Variants in MID1 observed in about 807,000 individuals in gnomAD.
MID1 encodes E3 ubiquitin-protein ligase Midline-1.
MID1 carries 7 observed loss-of-function variants against 40.4 expected under a neutral mutation model. The ratio of observed to expected loss-of-function variants is 0.17; its 90% CI spans 0.10 to 0.33. The LOEUF (loss-of-function observed/expected upper bound fraction) is 0.33. Ranked by LOEUF, MID1 falls within the 10% of genes least tolerant of loss-of-function variation. MID1 has a pLI of 1.00. For synonymous variants in MID1, 229 were observed against 221.2 expected (o/e 1.04, Z -0.31); for missense variants, 367 against 558.5 (o/e 0.66, Z 3.46).
intron 1 of MID1, among the ~76,000 whole-genome samples, chrX:10,613,060 T>G (rs1452407393): frequency 9.0e-6 from 1 of 111,664 alleles, no homozygotes; most frequent in Non-Finnish European, 1.9e-5. Flanking sequence ...ATATATTGCT[T>G]TATTTGGCCA....
At chrX:10,760,874 C>G (rs1441407412) in intron 1 of MID1, among the ~76,000 whole-genome samples, 1 of 111,650 alleles carries the variant, frequency 9.0e-6, no homozygotes, top group Non-Finnish European at 1.9e-5. Context: ...AAAACCCCAT[C>G]ATTGCCATAG....
At chrX:10,787,885 T>C (rs2147137700) in intron 1 of MID1, among the ~76,000 whole-genome samples, 1 of 110,969 alleles carries the variant, frequency 9.0e-6, no homozygotes, top group Non-Finnish European at 1.9e-5. Flanking sequence ...TGACTCTTAT[T>C]AATGATAATA....
intron 1 of MID1, among the ~76,000 whole-genome samples, chrX:10,713,675 C>G (rs889530604): frequency 8.9e-6 from 1 of 111,872 alleles, no homozygotes; most frequent in African/African-American, 3.3e-5. Context: ...AACAACAAAC[C>G]AAGACAACCC....
intron 1 of MID1, among the ~76,000 whole-genome samples, chrX:10,704,434 A>G (rs2043212478): frequency 9.1e-6 from 1 of 109,458 alleles, no homozygotes; most frequent in Admixed American, 1.0e-4. Flanking sequence ...GGGAATAGCC[A>G]TATTCAAAGT....
intron 1 of MID1, among the ~76,000 whole-genome samples, chrX:10,694,752 T>C (rs967515821): frequency 1.8e-5 from 2 of 111,119 alleles, no homozygotes; most frequent in African/African-American, 6.5e-5. Flanking sequence ...ATAGATGGAG[T>C]TGAAAAATGC....
chrX:10,757,642 T>A (rs1354996946), intron 1 of MID1, among the ~76,000 whole-genome samples: 1 of 112,274 alleles, frequency 8.9e-6, no homozygotes, highest in Non-Finnish European at 1.9e-5. Context: ...AACTTTTTCA[T>A]TATTGAAACT....
rs967584538 is a variant in MID1 at position 10,446,556 on chromosome X, T to C, written c.*2812A>G. ...CTTAATCCACTATTTAGAGTCCTACTTGAATGATATCGCCAGCAACTTTCA... is the reference window on the plus strand; with the variant it reads ...CTTAATCCACTATTTAGAGTCCTACCTGAATGATATCGCCAGCAACTTTCA... On this transcript the variant is annotated 3_prime_UTR_variant, in exon 10 of 10. Transcript: ENST00000317552. The C allele has an allele frequency of 1.8e-5, 2 of 112,163 alleles. No homozygotes were observed. Among genetic ancestry groups the C allele is most frequent in the Non-Finnish European group, 3.8e-5 (2 of 53,284 alleles). The allele number at this position is 112,163 out of a possible 1,213,427, so 9.2% of individuals were successfully genotyped here.
chrX:10,505,946 T>C, intron 3 of MID1: 1 of 754,868 alleles, frequency 1.3e-6, no homozygotes, highest in Non-Finnish European at 1.6e-6. Flanking sequence ...AAATGAACAT[T>C]GGGTTTCTGC....
At chrX:10,785,715 G>A (rs1267398756) in intron 1 of MID1, among the ~76,000 whole-genome samples, 1 of 111,637 alleles carries the variant, frequency 9.0e-6, no homozygotes, top group East Asian at 2.8e-4. Flanking sequence ...AAGAAATGGG[G>A]AAAGGATTCC....
chrX:10,515,995 C>T (rs1602333806), intron 3 of MID1, among the ~76,000 whole-genome samples: 1 of 111,108 alleles, frequency 9.0e-6, no homozygotes, highest in African/African-American at 3.3e-5. Flanking sequence ...TACAGGTGAC[C>T]CAAATTTTGA....
intron 1 of MID1, among the ~76,000 whole-genome samples, chrX:10,659,683 G>T (rs752964395): frequency 9.0e-6 from 1 of 111,461 alleles, no homozygotes; most frequent in Non-Finnish European, 1.9e-5. Flanking sequence ...TTAAAAAAGG[G>T]GGGTGGGGGA....
At chrX:10,591,666 C>T (rs968578200) in intron 1 of MID1, among the ~76,000 whole-genome samples, 32 of 110,410 alleles carry the variant, frequency 2.9e-4, no homozygotes, top group African/African-American at 9.9e-4. Flanking sequence ...AGGGGTGCTC[C>T]GTTCCCCCTT....
At chrX:10,545,113 C>T (rs1311529679) in intron 2 of MID1, among the ~76,000 whole-genome samples, 1 of 110,974 alleles carries the variant, frequency 9.0e-6, no homozygotes, top group African/African-American at 3.3e-5. Flanking sequence ...CAGGCACATA[C>T]CACCATGCTG....
chrX:10,632,611 CAG>C (rs1434537759), intron 1 of MID1, among the ~76,000 whole-genome samples: 1 of 110,266 alleles, frequency 9.1e-6, no homozygotes, highest in Non-Finnish European at 1.9e-5. Flanking sequence ...GGCCCCACCC[CAG>C]AGTTTCTGAT....
At chrX:10,544,836 T>C (rs1414313745) in intron 2 of MID1, among the ~76,000 whole-genome samples, 1 of 112,689 alleles carries the variant, frequency 8.9e-6, no homozygotes, top group East Asian at 2.8e-4. Context: ...ATAGATGAGC[T>C]CAGATCAGGT....
intron 1 of MID1, among the ~76,000 whole-genome samples, chrX:10,789,210 A>G (rs1228939873): frequency 1.9e-5 from 2 of 107,478 alleles, no homozygotes; most frequent in African/African-American, 6.6e-5. Flanking sequence ...AAATAAATAA[A>G]TAAAGTCTAT....
intron 2 of MID1, among the ~76,000 whole-genome samples, chrX:10,542,565 C>CT (rs1199012569): frequency 2.7e-5 from 3 of 111,930 alleles, no homozygotes; most frequent in African/African-American, 9.7e-5. Flanking sequence ...TAAATACTTT[C>CT]TTTTTTTATT....
At chrX:10,636,686 T>C (rs939157067) in intron 1 of MID1, among the ~76,000 whole-genome samples, 4 of 103,835 alleles carry the variant, frequency 3.9e-5, no homozygotes, top group Non-Finnish European at 5.9e-5. Flanking sequence ...TAGTTCAGAA[T>C]TGATTAGGTT....
Position 10,566,951 on chromosome X carries a change from T to C in MID1, c.597A>G (p.Lys199=), listed in dbSNP as rs761328432. ...TDDQLICALC[K]LVGRHRDHQV... The stretch of plus-strand genomic sequence containing the variant: ...GATGATCGCGGTGCCGCCCAACCAG[T>C]TTACACAAGGCACAGATTAACTGGT... Residue 199 remains lysine, a synonymous_variant, in exon 2 of 10, where the codon AAA becomes AAG. Transcript: ENST00000317552. 8.3e-7 allele frequency: 1 copy of C among 1,211,774 alleles called. No individual in the cohort carries two copies. Among genetic ancestry groups the C allele is most frequent in the South Asian group, 1.8e-5 (1 of 56,987 alleles).
Sources: allele counts gnomAD v4.1 joint callset (sites outside exome capture counted in the v4.1 genomes callset), GRCh38; gene constraint gnomAD v4.1.1; transcripts MANE v1.5; gene names NCBI Gene and HGNC (gene_info 2026-07-23, HGNC 2026-07-21).